DNAAF4: variants seen among roughly 807,000 people sequenced by gnomAD.
The protein encoded by DNAAF4 is dynein assembly factor 4, axonemal.
Under a neutral mutation model 51.8 loss-of-function variants are expected in DNAAF4, and 43 were observed. The observed-to-expected ratio is 0.83, with a 90% CI of 0.65 to 1.07. DNAAF4 has a LOEUF of 1.07. Among genes scored for constraint, DNAAF4 ranks in the 50% least tolerant of loss-of-function variants. The probability of loss-of-function intolerance (pLI) is 0.00; values close to 1 mark genes in which losing one functional copy is unlikely to be tolerated. For synonymous variants in DNAAF4, 194 were observed against 165.6 expected (o/e 1.17, Z -1.32); for missense variants, 581 against 493.0 (o/e 1.18, Z -1.69).
chr15:55,483,851 TTTTTTTTTTTTTTTTTTTTTA>T (rs1567028737), intron 4 of DNAAF4, among the ~76,000 whole-genome samples: 2 of 76,310 alleles, frequency 2.6e-5, no homozygotes, highest in African/African-American at 3.7e-5. Flanking sequence ...TTTTTTTTTT[TTTTTTTTTTTTTTTTTTTTTA>T]AGAGAAAGCA....
downstream of DNAAF4, among the ~76,000 whole-genome samples, chr15:55,425,375 TTTCTC>T (rs1005906990): frequency 2.1e-4 from 32 of 152,260 alleles, no homozygotes; most frequent in African/African-American, 7.5e-4. Context: ...CCCCTAATGT[TTTCTC>T]TTGGTAATTT....
chr15:55,433,971 T>TA (rs2057560268), intron 8 of DNAAF4, among the ~76,000 whole-genome samples: 16 of 16,042 alleles, frequency 1.0e-3, no homozygotes, highest in Admixed American at 7.8e-3. Context: ...ATAATATATT[T>TA]TATATATTAT....
In DNAAF4 at chr15:55,497,803, C is replaced by T; in HGVS notation, c.180G>A (p.Glu60=). ...EAFLYAPIDD[E]SSKAKIGNDT... is the part of the protein sequence containing the mutation. ...CATTCCCAATCTTTGCTTTGCTGCT[C>T]TCATCGTCTATGGGAGCATAAAGAA... is the stretch of plus-strand genomic sequence containing the variant. The change falls in exon 3 of 10, where the codon GAG becomes GAA. Residue 60 remains glutamate (E), a synonymous_variant. Transcript: ENST00000321149. 1 of 1,613,844 alleles carries T rather than the reference C, an allele frequency of 6.2e-7. No individual in the cohort carries two copies. The highest frequency in any genetic ancestry group is 1.7e-5 in the Admixed American group (1 of 60,000).
At chr15:55,498,133 C>G (rs1265070790) in intron 2 of DNAAF4, 74 bp downstream of exon 2, 2 of 1,603,288 alleles carry the variant, frequency 1.2e-6, no homozygotes, top group South Asian at 2.3e-5. Context: ...GCCTGTTGCT[C>G]GTGCCCAGCT....
intron 5 of DNAAF4, among the ~76,000 whole-genome samples, chr15:55,451,359 A>G (rs1314553857): frequency 1.3e-5 from 2 of 152,146 alleles, no homozygotes; most frequent in Non-Finnish European, 2.9e-5. Context: ...CTCGGCTTGA[A>G]CCTACCTAAT....
intron 6 of DNAAF4, among the ~76,000 whole-genome samples, chr15:55,446,032 G>GAT (rs1381399139): frequency 7.1e-6 from 1 of 140,226 alleles, no homozygotes; most frequent in South Asian, 2.4e-4. Flanking sequence ...CCTCCCAGAC[G>GAT]GGGTGGCCGG....
At chr15:55,430,814 A>T in intron 9 of DNAAF4, 35 bp from the exon 10 acceptor site, 1 of 1,471,920 alleles carries the variant, frequency 6.8e-7, no homozygotes, top group South Asian at 1.2e-5. Flanking sequence ...TAATACAATA[A>T]ATATTTTATT....
At chr15:55,426,817 CCTCA>C (rs1217375277), downstream of DNAAF4, among the ~76,000 whole-genome samples, 1 of 152,182 alleles carries the variant, frequency 6.6e-6, no homozygotes, top group Non-Finnish European at 1.5e-5. Context: ...ATAGGGAAGT[CCTCA>C]CTGTTTTAAC....
chr15:55,461,929 T>G (rs767515245), intron 5 of DNAAF4, among the ~76,000 whole-genome samples: 3 of 152,032 alleles, frequency 2.0e-5, no homozygotes, highest in Non-Finnish European at 4.4e-5. Flanking sequence ...ATAAGCTCGA[T>G]TAGAAATGAA....
chr15:55,441,539 A>G (rs997794295), intron 6 of DNAAF4, among the ~76,000 whole-genome samples: 3 of 151,776 alleles, frequency 2.0e-5, no homozygotes, highest in Non-Finnish European at 4.4e-5. Context: ...CATTAGGTGT[A>G]TCTCCTAATG....
intron 1 of DNAAF4, among the ~76,000 whole-genome samples, chr15:55,501,674 C>T (rs951382167): frequency 6.6e-6 from 1 of 151,904 alleles, no homozygotes; most frequent in Non-Finnish European, 1.5e-5. Context: ...CACGCCGGGC[C>T]AGGATTTCTT....
intron 6 of DNAAF4, chr15:55,442,870 G>C (rs1470922843): frequency 1.2e-6 from 2 of 1,612,340 alleles, no homozygotes; most frequent in African/African-American, 1.3e-5. Flanking sequence ...ACCAACAGTA[G>C]CATCAATCAT....
rs1024270075 is a variant in DNAAF4, at chr15:55,491,319, C to T, written c.272-63G>A. On this transcript the variant is annotated intron_variant, in intron 3 of 9. Transcript: ENST00000321149. Reference sequence around the variant, plus strand: ...CAAATTTGCTTTACTTATGAGAAAACTACTTAAATAAACTGACCCAGGATG... The same window carrying T: ...CAAATTTGCTTTACTTATGAGAAAATTACTTAAATAAACTGACCCAGGATG... The T allele has an allele frequency of 2.6e-6, 4 of 1,519,658 alleles. No individual in the cohort carries two copies. In the South Asian group the frequency reaches 4.8e-5, roughly 18 times the overall value. The allele number at this position is 1,519,658 out of a possible 1,614,324, so 94.1% of individuals were successfully genotyped here. A position where few individuals can be genotyped will look rare whatever the true frequency, so the allele number is the denominator to read the frequency against.
intron 8 of DNAAF4, among the ~76,000 whole-genome samples, chr15:55,434,115 T>G (rs1270127822): frequency 7.3e-6 from 1 of 137,064 alleles, no homozygotes; most frequent in Non-Finnish European, 1.5e-5. Context: ...AATTTTTCAG[T>G]TGTTCCTATA....
intron 3 of DNAAF4, among the ~76,000 whole-genome samples, chr15:55,492,548 T>C (rs1452901401): frequency 6.8e-6 from 1 of 147,636 alleles, no homozygotes; most frequent in African/African-American, 2.5e-5. Context: ...TGTGATATAC[T>C]TTTTTTTTTT....
Position 55,498,448 on chromosome 15 carries a change from G to T in DNAAF4, c.-119C>A. The T allele has an allele frequency of 6.9e-7, 1 of 1,444,906 alleles. No homozygotes were observed. Among genetic ancestry groups the T allele is most frequent in the East Asian group, 2.5e-5 (1 of 40,592 alleles). The allele number at this position is 1,444,906 out of a possible 1,614,324, so 89.5% of individuals were successfully genotyped here. On this transcript the variant is annotated 5_prime_UTR_variant, in exon 2 of 10. Coordinates refer to ENST00000321149, the MANE Select transcript of DNAAF4 (RefSeq NM_130810.4). ...GGGTCAGGCCGGCCGGGAGCCCGGC[G>T]TTCCCAGCGTGCTCCGGCGCCAGCA...
At chr15:55,482,505 CCT>C (rs2058425955) in intron 4 of DNAAF4, among the ~76,000 whole-genome samples, 1 of 152,092 alleles carries the variant, frequency 6.6e-6, no homozygotes, top group South Asian at 2.1e-4. Flanking sequence ...GGCAAAACCC[CCT>C]CTCTACCAAA....
rs142200971 is a variant in DNAAF4 at position 55,455,711 on chromosome 15, C to T, written c.638-5344G>A. On this transcript the variant is annotated intron_variant, in intron 5 of 9. Coordinates refer to ENST00000321149, the MANE Select transcript of DNAAF4 (RefSeq NM_130810.4). ...CCTCCCAAAGTACTGGGATTATAGG[C>T]GTTAGCCACCATGCCCAGGCTCTAA... Among the ~76,000 whole-genome samples the T allele has an allele frequency of 5.9e-3, 903 of 152,136 alleles. 15 individuals carry two copies. The highest frequency in any genetic ancestry group is 0.021 in the African/African-American group (870 of 41,520).
At chr15:55,433,350 C>T (rs1365604267) in intron 8 of DNAAF4, among the ~76,000 whole-genome samples, 2 of 152,182 alleles carry the variant, frequency 1.3e-5, no homozygotes, top group Non-Finnish European at 2.9e-5. Context: ...GTGGCTCATG[C>T]CTGTAATCCC....
Sources: gnomAD v4.1 joint callset for allele counts (sites outside exome capture counted in the v4.1 genomes callset) on GRCh38, gnomAD v4.1.1 for gene constraint, MANE v1.5 for transcripts, NCBI Gene and HGNC (gene_info 2026-07-23, HGNC 2026-07-21) for gene names.